The following DNAJC6 variants were observed in gnomAD, a reference collection of about 807,000 sequenced individuals.
The protein encoded by DNAJC6 is auxilin.
In DNAJC6, 34 loss-of-function variants were observed where a neutral mutation model predicts 110.0. That is an observed-to-expected ratio of 0.31 (90% CI 0.24 to 0.41). The LOEUF is 0.41. DNAJC6 is among the 10% of genes least tolerant of loss of function. The pLI is 1.00. For synonymous variants in DNAJC6, 406 were observed against 437.2 expected (o/e 0.93, Z 0.89); for missense variants, 1,031 against 1,207.8 (o/e 0.85, Z 2.17).
At chr1:65,315,930 T>C (rs1048481205) in intron 1 of DNAJC6, among the ~76,000 whole-genome samples, 1 of 152,206 alleles carries the variant, frequency 6.6e-6, no homozygotes, top group Non-Finnish European at 1.5e-5. Context: ...AGTTCAGTTG[T>C]TTTTTAATCC....
chr1:65,289,806 ATTG>A (rs907054015), intron 1 of DNAJC6, among the ~76,000 whole-genome samples: 4 of 149,308 alleles, frequency 2.7e-5, no homozygotes, highest in African/African-American at 9.9e-5. Context: ...GCACTGTGTC[ATTG>A]TTGTTTTTTT....
intron 1 of DNAJC6, among the ~76,000 whole-genome samples, chr1:65,353,120 G>A (rs565033992): frequency 3.4e-4 from 52 of 152,132 alleles, no homozygotes; most frequent in Non-Finnish European, 6.9e-4. Flanking sequence ...GTAATTAAGA[G>A]GGAAATGTCA....
chr1:65,336,372 C>T (rs1337359244), intron 1 of DNAJC6, among the ~76,000 whole-genome samples: 1 of 152,100 alleles, frequency 6.6e-6, no homozygotes, highest in Non-Finnish European at 1.5e-5. Context: ...TGGGGATTAT[C>T]GGAACCACAG....
intron 4 of DNAJC6, among the ~76,000 whole-genome samples, chr1:65,371,000 T>G (rs1453069779): frequency 6.6e-6 from 1 of 152,102 alleles, no homozygotes; most frequent in Non-Finnish European, 1.5e-5. Context: ...AAGAAATAAC[T>G]GGAGTGAAAA....
chr1:65,375,742 T>A (rs985129387), intron 4 of DNAJC6, among the ~76,000 whole-genome samples: 19 of 152,222 alleles, frequency 1.2e-4, no homozygotes, highest in African/African-American at 4.6e-4. Context: ...TGAATCTTTG[T>A]TGATAATGGT....
chr1:65,386,686 T>G (rs1645876013), intron 7 of DNAJC6, 126 bp from the exon 8 acceptor site: 1 of 761,574 alleles, frequency 1.3e-6, no homozygotes, highest in Non-Finnish European at 2.2e-6. Context: ...AGATAGGAAA[T>G]AGTTTCTGGG....
chr1:65,364,938 G>C (rs950704705), intron 2 of DNAJC6, among the ~76,000 whole-genome samples, 153 bp downstream of exon 2: 1 of 152,160 alleles, frequency 6.6e-6, no homozygotes, highest in Non-Finnish European at 1.5e-5. Context: ...AAGACATAAA[G>C]TTAAGTCCTT....
intron 1 of DNAJC6, among the ~76,000 whole-genome samples, chr1:65,265,694 G>C (rs943578440): frequency 1.3e-5 from 2 of 152,210 alleles, no homozygotes; most frequent in African/African-American, 2.4e-5. Flanking sequence ...ATATTCTGCC[G>C]CAGTTGGGGG....
chr1:65,366,572 G>T (rs76027187), intron 4 of DNAJC6, among the ~76,000 whole-genome samples: 1,625 of 152,148 alleles, frequency 0.011, 21 homozygotes, highest in African/African-American at 0.038. Flanking sequence ...ATTGCTACTT[G>T]GTATCAAGAT....
chr1:65,264,785 C>G (rs1653259208), exon 1 of DNAJC6: 1 of 1,512,584 alleles, frequency 6.6e-7, no homozygotes, highest in African/African-American at 1.4e-5. Flanking sequence ...TTATCATAGC[C>G]CGAGTGCTCC....
chr1:65,275,546 G>C (rs1395863836), intron 1 of DNAJC6, among the ~76,000 whole-genome samples: 1 of 152,086 alleles, frequency 6.6e-6, no homozygotes, highest in Non-Finnish European at 1.5e-5. Context: ...CCCAGGTGTG[G>C]TTTTCTTTGT....
intron 1 of DNAJC6, among the ~76,000 whole-genome samples, chr1:65,321,626 A>G (rs1325562304): frequency 6.6e-6 from 1 of 152,178 alleles, no homozygotes; most frequent in South Asian, 2.1e-4. Context: ...CCCATTATCA[A>G]CATCCCCCAC....
chr1:65,264,752 C>A, exon 1 of DNAJC6: 1 of 1,446,884 alleles, frequency 6.9e-7, no homozygotes, highest in Non-Finnish European at 9.1e-7. Flanking sequence ...AAATTATAAC[C>A]CCGCACACCG....
At chr1:65,278,208 A>T (rs1653736110) in intron 1 of DNAJC6, among the ~76,000 whole-genome samples, 1 of 152,126 alleles carries the variant, frequency 6.6e-6, no homozygotes, top group Non-Finnish European at 1.5e-5. Flanking sequence ...AGCCTCTCAA[A>T]TGCAAGCTCC....
intron 1 of DNAJC6, among the ~76,000 whole-genome samples, chr1:65,344,658 G>T (rs1439081427): frequency 6.6e-6 from 1 of 152,174 alleles, no homozygotes; most frequent in East Asian, 1.9e-4. Context: ...CTCATGCCAA[G>T]ATTGAGGTCA....
chr1:65,350,405 C>T (rs534412654), intron 1 of DNAJC6, among the ~76,000 whole-genome samples: 1 of 152,214 alleles, frequency 6.6e-6, no homozygotes, highest in South Asian at 2.1e-4. Flanking sequence ...AGCCTTTGAA[C>T]ATATTAATAA....
chr1:65,306,142 G>A (rs111362768), upstream of DNAJC6, among the ~76,000 whole-genome samples: 573 of 151,068 alleles, frequency 3.8e-3, no homozygotes, highest in African/African-American at 0.013. Context: ...CCACCTCCTG[G>A]GTTCAAGCGA....
chr1:65,404,760 A>G (rs1646059566), intron 15 of DNAJC6, among the ~76,000 whole-genome samples: 1 of 152,214 alleles, frequency 6.6e-6, no homozygotes, highest in Non-Finnish European at 1.5e-5. Context: ...GGAATTAAGG[A>G]TTACTGAGTG....
intron 1 of DNAJC6, among the ~76,000 whole-genome samples, chr1:65,302,418 TA>T (rs1644995786): frequency 6.7e-6 from 1 of 149,022 alleles, no homozygotes; most frequent in Admixed American, 6.7e-5. Context: ...GATTAGGCCA[TA>T]AGGGGTCCAC....
Sources: allele counts gnomAD v4.1 joint callset (sites outside exome capture counted in the v4.1 genomes callset), GRCh38; gene constraint gnomAD v4.1.1; transcripts MANE v1.5; gene names NCBI Gene and HGNC (gene_info 2026-07-23, HGNC 2026-07-21).